SLC9A7: variants seen among roughly 807,000 people sequenced by gnomAD.
The protein encoded by SLC9A7 is solute carrier family 9 member A7.
In SLC9A7, 19 loss-of-function variants were observed where a neutral mutation model predicts 52.6. The observed-to-expected ratio is 0.36, with a 90% CI of 0.25 to 0.53. The LOEUF (loss-of-function observed/expected upper bound fraction) is 0.53, where lower values mean the gene tolerates loss of function less well. Ranked by LOEUF, SLC9A7 falls within the 20% of genes least tolerant of loss-of-function variation. The probability of loss-of-function intolerance (pLI) is 0.91; values close to 1 mark genes in which losing one functional copy is unlikely to be tolerated. For missense variants in SLC9A7, 455 were observed against 597.9 expected (o/e 0.76, Z 2.49); for synonymous variants, 226 against 252.1 (o/e 0.90, Z 0.98).
At chrX:46,743,672 G>C (rs1289786145) in intron 1 of SLC9A7, among the ~76,000 whole-genome samples, 1 of 111,649 alleles carries the variant, frequency 9.0e-6, no homozygotes, top group Non-Finnish European at 1.9e-5. Context: ...TAATACAACT[G>C]TCTCTGGATC....
intron 1 of SLC9A7, among the ~76,000 whole-genome samples, chrX:46,711,747 T>C (rs1944690279): frequency 9.1e-6 from 1 of 110,002 alleles, no homozygotes; most frequent in Non-Finnish European, 1.9e-5. Flanking sequence ...GATGAAGTGG[T>C]GGCTCCCTAC....
intron 1 of SLC9A7, among the ~76,000 whole-genome samples, chrX:46,698,416 C>T (rs1944481079): frequency 8.9e-6 from 1 of 112,161 alleles, no homozygotes; most frequent in African/African-American, 3.2e-5. Flanking sequence ...AAAGAACCTA[C>T]GTGAATATTG....
chrX:46,640,462 G>A (rs1199995128), intron 12 of SLC9A7, among the ~76,000 whole-genome samples: 3 of 111,929 alleles, frequency 2.7e-5, no homozygotes, highest in East Asian at 2.8e-4. Context: ...AGAAGATAAC[G>A]CAGAAGAAAT....
chrX:46,703,007 G>C lies in SLC9A7; in HGVS notation c.326-20472C>G, dbSNP rs184328956. Among the ~76,000 whole-genome samples the C allele has an allele frequency of 5.7e-3, 636 of 112,388 alleles. 3 individuals are homozygous for C. Among genetic ancestry groups the C allele is most frequent in the African/African-American group, 0.02 (611 of 30,946 alleles). On this transcript the variant is annotated intron_variant, in intron 1 of 16. Transcript: ENST00000616978. ...TGGAAGGGTATTGCACTGTGGTTTT[G>C]ATTTGCATTGCTCAAATGATCAGTG...
In SLC9A7 at chrX:46,603,627, A is replaced by G. The variant is rs1942693994; in HGVS notation, c.*3325T>C. ...GCAGAGGCGGGTGGATCACGAGGTCAGCAGATCGAGACCATCCTGCCCAAC... is the reference window on the plus strand; with the variant it reads ...GCAGAGGCGGGTGGATCACGAGGTCGGCAGATCGAGACCATCCTGCCCAAC... On this transcript the variant is annotated 3_prime_UTR_variant, in exon 17 of 17. Transcript: ENST00000616978. The G allele has an allele frequency of 1.8e-5, 2 of 111,897 alleles. No individual in the cohort carries two copies. Among genetic ancestry groups the G allele is most frequent in the African/African-American group, 3.3e-5 (1 of 30,765 alleles). The allele number at this position is 111,897 out of a possible 1,213,427, so 9.2% of individuals were successfully genotyped here. A position where few individuals can be genotyped will look rare whatever the true frequency, so the allele number is the denominator to read the frequency against.
intron 1 of SLC9A7, among the ~76,000 whole-genome samples, chrX:46,690,986 G>C (rs954801612): frequency 8.9e-6 from 1 of 111,900 alleles, no homozygotes; most frequent in African/African-American, 3.3e-5. Flanking sequence ...TATTCCACCT[G>C]CCTGTGATAA....
intron 8 of SLC9A7, 37 bp from the exon 9 acceptor site, chrX:46,651,441 A>G: frequency 9.1e-7 from 1 of 1,096,425 alleles, no homozygotes; most frequent in Non-Finnish European, 1.3e-6. Context: ...TCAATGGAAA[A>G]AAAAGAGGCA....
chrX:46,755,628 G>A (rs1922597550), intron 1 of SLC9A7, among the ~76,000 whole-genome samples: 2 of 109,916 alleles, frequency 1.8e-5, no homozygotes, highest in South Asian at 7.8e-4. Context: ...TTCAAGACCA[G>A]CCTGGCCAAG....
At chrX:46,621,927 T>C (rs1943052384) in intron 14 of SLC9A7, among the ~76,000 whole-genome samples, 1 of 111,953 alleles carries the variant, frequency 8.9e-6, no homozygotes, top group Non-Finnish European at 1.9e-5. Flanking sequence ...ACTCTGCAAG[T>C]GAGGGACAAT....
intron 1 of SLC9A7, among the ~76,000 whole-genome samples, chrX:46,722,075 G>A (rs1944869271): frequency 9.0e-6 from 1 of 111,168 alleles, no homozygotes; most frequent in African/African-American, 3.3e-5. Context: ...TTTCTCTCTG[G>A]TGGGTGTGTG....
chrX:46,604,869 A>G lies in SLC9A7; in HGVS notation c.*2083T>C, dbSNP rs1332636532. The G allele has an allele frequency of 5.3e-5, 6 of 112,644 alleles. No individual in the cohort carries two copies. Among genetic ancestry groups the G allele is most frequent in the African/African-American group, 1.9e-4 (6 of 30,974 alleles). 9.3% of individuals were successfully genotyped at this position (112,644 alleles called of 1,213,427 possible). On this transcript the variant is annotated 3_prime_UTR_variant, in exon 17 of 17. Coordinates refer to ENST00000616978, the MANE Select transcript of SLC9A7 (RefSeq NM_001257291.2). Reference sequence around the variant, plus strand: ...GCACAAATTATCAATTCAAACACAAAGTTGTGAAGCAATGTCTTATTTAAA... The same window carrying G: ...GCACAAATTATCAATTCAAACACAAGGTTGTGAAGCAATGTCTTATTTAAA...
At chrX:46,755,362 A>G (rs1922565646) in intron 1 of SLC9A7, among the ~76,000 whole-genome samples, 1 of 110,567 alleles carries the variant, frequency 9.0e-6, no homozygotes, top group Non-Finnish European at 1.9e-5. Flanking sequence ...AGGGAGGGAG[A>G]GAGAGAGAGA....
chrX:46,682,642 G>C, intron 1 of SLC9A7, 107 bp from the exon 2 acceptor site: 1 of 697,847 alleles, frequency 1.4e-6, no homozygotes, highest in South Asian at 2.5e-5. Context: ...AGTAATCTTA[G>C]AAACTGGGCA....
intron 13 of SLC9A7, among the ~76,000 whole-genome samples, chrX:46,635,145 T>G (rs1358260847): frequency 8.9e-6 from 1 of 112,267 alleles, no homozygotes; most frequent in Non-Finnish European, 1.9e-5. Flanking sequence ...ATAGCAGTGG[T>G]ATTTAACTAA....
chrX:46,720,679 A>G (rs1017319634), intron 1 of SLC9A7, among the ~76,000 whole-genome samples: 2 of 110,273 alleles, frequency 1.8e-5, no homozygotes, highest in Non-Finnish European at 3.8e-5. Flanking sequence ...ACACATAAAC[A>G]CTCATATTCA....
intron 1 of SLC9A7, among the ~76,000 whole-genome samples, chrX:46,726,558 A>G (rs1303173494): frequency 9.0e-6 from 1 of 110,967 alleles, no homozygotes; most frequent in Non-Finnish European, 1.9e-5. Flanking sequence ...TGCATCCCCA[A>G]CACGAGTCCA....
At chrX:46,695,733 T>C (rs1027222186) in intron 1 of SLC9A7, among the ~76,000 whole-genome samples, 1 of 110,222 alleles carries the variant, frequency 9.1e-6, no homozygotes, top group African/African-American at 3.3e-5. Context: ...AGGTGGGGTG[T>C]GGGGGATCTG....
intron 5 of SLC9A7, among the ~76,000 whole-genome samples, chrX:46,667,329 A>G (rs1035050471): frequency 2.7e-5 from 3 of 111,120 alleles, no homozygotes; most frequent in African/African-American, 9.8e-5. Context: ...CCAAGTCTTC[A>G]ATACTAATTT....
At chrX:46,730,487 G>A (rs1479735612) in intron 1 of SLC9A7, among the ~76,000 whole-genome samples, 1 of 103,482 alleles carries the variant, frequency 9.7e-6, no homozygotes, top group Admixed American at 1.1e-4. Flanking sequence ...AGTGAGACCT[G>A]GTCTTCTCAA....
Sources: gnomAD v4.1 joint callset for allele counts (sites outside exome capture counted in the v4.1 genomes callset) on GRCh38, gnomAD v4.1.1 for gene constraint, MANE v1.5 for transcripts, NCBI Gene and HGNC (gene_info 2026-07-23, HGNC 2026-07-21) for gene names.